The following TBC1D2 variants were observed in gnomAD, a reference collection of about 807,000 sequenced individuals.
The protein encoded by TBC1D2 is TBC1 domain family member 2A.
A neutral mutation model predicts 91.1 loss-of-function variants in TBC1D2; 58 were observed. The observed-to-expected ratio is 0.64, with a 90% confidence interval of 0.52 to 0.79. TBC1D2 has a LOEUF of 0.79. Ranked by LOEUF, TBC1D2 falls within the 30% of genes least tolerant of loss-of-function variation. TBC1D2 has a pLI of 0.00. For missense variants in TBC1D2, 1,080 were observed against 1,208.3 expected (o/e 0.89, Z 1.57); for synonymous variants, 482 against 511.5 (o/e 0.94, Z 0.78).
Position 98,255,570 on chromosome 9 carries a change from G to T in TBC1D2, c.-29C>A, listed in dbSNP as rs1381550109. ...TGCCAGCCGGAGACTGCGGAGGGAC[G>T]AGGGGTCCGCGGGACCACCAGGGAC... On this transcript the variant is annotated 5_prime_UTR_variant, in exon 1 of 13. Transcript: ENST00000465784. 2.9e-5 allele frequency: 43 copies of T among 1,481,454 alleles called. No homozygotes were observed. Among genetic ancestry groups the T allele is most frequent in the Non-Finnish European group, 3.7e-5 (41 of 1,120,072 alleles). The allele number at this position is 1,481,454 out of a possible 1,614,324, so 91.8% of individuals were successfully genotyped here. A position where few individuals can be genotyped will look rare whatever the true frequency, so the allele number is the denominator to read the frequency against.
chr9:98,228,971 T>C lies in TBC1D2; in HGVS notation c.959A>G (p.Lys320Arg), dbSNP rs1564249322. The C allele has an allele frequency of 2.5e-6, 4 of 1,614,202 alleles. No homozygotes were observed. The highest frequency in any genetic ancestry group is 3.4e-6 in the Non-Finnish European group (4 of 1,180,012). ...ALEQQVLMLT[K>R]ELKSQKELVK... ...CCTCACCTTCTGAGACTTTAACTCC[T>C]TGGTGAGCATCAGAACCTGTTGCTC... is the stretch of plus-strand genomic sequence containing the variant. The change falls in exon 5 of 13, where the codon AAG (lysine) becomes AGG (arginine). Residue 320 changes from lysine to arginine, a missense_variant. Transcript: ENST00000465784. This position sits in a 1 kb window ranked among gnomAD's most constrained non-coding sequence, Gnocchi z 4.0.
intron 3 of TBC1D2, among the ~76,000 whole-genome samples, chr9:98,235,801 G>A (rs1472806969): frequency 2.0e-5 from 3 of 152,192 alleles, no homozygotes; most frequent in Non-Finnish European, 4.4e-5. Context: ...TTGGGAGGCT[G>A]AGGTGGGCAG....
intron 2 of TBC1D2, among the ~76,000 whole-genome samples, chr9:98,247,322 T>C (rs1588066201): frequency 1.5e-5 from 2 of 129,048 alleles, no homozygotes; most frequent in Admixed American, 8.4e-5. Flanking sequence ...AGGGCGAGAC[T>C]CCGTCTCAAA....
chr9:98,207,529 A>G (rs963722722), intron 9 of TBC1D2, among the ~76,000 whole-genome samples: 1 of 152,048 alleles, frequency 6.6e-6, no homozygotes, highest in African/African-American at 2.4e-5. Context: ...TCCCCTACCA[A>G]TTGGACCAGA....
chr9:98,209,168 C>T (rs753852040), intron 8 of TBC1D2, 24 bp from the exon 9 acceptor site: 5 of 1,595,036 alleles, frequency 3.1e-6, no homozygotes, highest in Non-Finnish European at 4.3e-6. Context: ...TGCACGTTAG[C>T]AACACCTTGC....
chr9:98,208,480 G>A (rs931154245), intron 9 of TBC1D2, among the ~76,000 whole-genome samples, 188 bp downstream of exon 9: 3 of 152,174 alleles, frequency 2.0e-5, no homozygotes, highest in Non-Finnish European at 4.4e-5. Context: ...GCTCCTGTGA[G>A]AATCTAATGC....
chr9:98,214,778 C>T (rs1828929711), intron 6 of TBC1D2, among the ~76,000 whole-genome samples: 1 of 152,188 alleles, frequency 6.6e-6, no homozygotes, highest in East Asian at 1.9e-4. Flanking sequence ...CCGATGCCTG[C>T]CCAGGGGCTG....
chr9:98,204,038 C>T (rs921650115), intron 9 of TBC1D2, among the ~76,000 whole-genome samples: 5 of 152,260 alleles, frequency 3.3e-5, no homozygotes, highest in South Asian at 2.1e-4. Flanking sequence ...TTCCCCTCCC[C>T]GCCAAGTTAG....
At chr9:98,232,340 C>CTTTTTTTTTTTTTTTTTTTTTTT (rs1554754378) in intron 4 of TBC1D2, among the ~76,000 whole-genome samples, 2 of 52,044 alleles carry the variant, frequency 3.8e-5, no homozygotes, top group African/African-American at 1.6e-4. Flanking sequence ...TTCTCTTTTT[C>CTTTTTTTTTTTTTTTTTTTTTTT]TGTTTTTTTT....
chr9:98,254,436 C>T (rs1038203188), intron 1 of TBC1D2, among the ~76,000 whole-genome samples: 2 of 152,196 alleles, frequency 1.3e-5, no homozygotes, highest in Non-Finnish European at 1.5e-5. Context: ...GTGTCAAATG[C>T]TTACAAACCA....
intron 2 of TBC1D2, among the ~76,000 whole-genome samples, chr9:98,248,874 C>T (rs1056248584): frequency 6.6e-6 from 1 of 152,050 alleles, no homozygotes; most frequent in Non-Finnish European, 1.5e-5. Context: ...CTGCGGAGAC[C>T]GTTGTTTAGG....
rs369711045 is a variant in TBC1D2 at position 98,255,409 on chromosome 9, G to A, written c.133C>T (p.Pro45Ser). The change falls in exon 1 of 13, where the codon CCC becomes TCC. Residue 45 changes from proline to serine, a missense_variant. By Grantham distance (74) the Pro-to-Ser change is moderately conservative (BLOSUM62 -1). Transcript: ENST00000465784. ...GDCARSLEAV[P>S]KKLCGYLSKF... The stretch of plus-strand genomic sequence containing the variant: ...CTTAAATACCCACAGAGTTTCTTGG[G>A]GACCGCCTCCAGGGACCGGGCGCAG... 270 of 1,613,244 alleles carry A rather than the reference G, an allele frequency of 1.7e-4. No homozygotes were observed. The highest frequency in any genetic ancestry group is 2.2e-4 in the Non-Finnish European group (256 of 1,179,378).
Position 98,221,173 on chromosome 9 carries a change from G to C in TBC1D2, c.1034C>G (p.Ala345Gly), listed in dbSNP as rs370228222. The change falls in exon 6 of 13, where the codon GCG becomes GGG. Residue 345 changes from alanine to glycine, a missense_variant. Ala to Gly is a moderately conservative substitution (Grantham distance 60). Transcript: ENST00000465784. ...ALEAAQQEKRASSAYLAAAED... is the reference protein window; with the variant it reads ...ALEAAQQEKRGSSAYLAAAED... ...AGCCGCCGCCAGGTATGCGCTGGAC[G>C]CCCGCTTCTCCTGCTGGGCGGCCTC... The C allele has an allele frequency of 1.0e-5, 16 of 1,561,822 alleles. 2 individuals carry two copies. The South Asian group carries it at 1.9e-4, about 18-fold the overall frequency.
At chr9:98,248,066 G>A (rs1490291388) in intron 2 of TBC1D2, among the ~76,000 whole-genome samples, 1 of 152,220 alleles carries the variant, frequency 6.6e-6, no homozygotes, top group Non-Finnish European at 1.5e-5. Context: ...TAGCCACTCA[G>A]AGAGGTTGAG....
chr9:98,255,066 C>T, intron 1 of TBC1D2, 107 bp downstream of exon 1: 1 of 1,478,432 alleles, frequency 6.8e-7, no homozygotes, highest in Non-Finnish European at 9.0e-7. Context: ...ACTGTCGTCA[C>T]CGACACTCCA....
chr9:98,205,273 T>C (rs948474592), intron 9 of TBC1D2, among the ~76,000 whole-genome samples: 1 of 152,190 alleles, frequency 6.6e-6, no homozygotes, highest in African/African-American at 2.4e-5. Flanking sequence ...CTTCAGCACA[T>C]GTTAAAAACT....
At chr9:98,214,678 T>G (rs1455522981) in intron 6 of TBC1D2, among the ~76,000 whole-genome samples, 1 of 152,236 alleles carries the variant, frequency 6.6e-6, no homozygotes, top group Non-Finnish European at 1.5e-5. Flanking sequence ...CAGGGTCACA[T>G]GTGCACAGCC....
chr9:98,233,495 T>A lies in TBC1D2; in HGVS notation c.702A>T (p.Glu234Asp), dbSNP rs1829424032. The A allele has an allele frequency of 1.9e-6, 3 of 1,614,000 alleles. No individual in the cohort carries two copies. The highest frequency in any genetic ancestry group is 2.5e-6 in the Non-Finnish European group (3 of 1,180,014). Residue 234 changes from glutamate to aspartate, a missense_variant, in exon 4 of 13, where the codon GAA becomes GAT. Coordinates refer to ENST00000465784, the MANE Select transcript of TBC1D2 (RefSeq NM_001267571.2). ...TCTGTGGAGAATCTTCCCCTGGAGG[T>A]TCATGGCCTGTTCCCTGGGCCTGCT... ...GNKQAQGTGH[E>D]PPGEDSPQSG...
intron 3 of TBC1D2, among the ~76,000 whole-genome samples, chr9:98,237,858 T>C (rs749207468): frequency 1.3e-5 from 2 of 151,908 alleles, no homozygotes; most frequent in African/African-American, 2.4e-5. Context: ...TTGGGAAGTA[T>C]TGTCAGATTA....
Sources: gnomAD v4.1 joint callset for allele counts (sites outside exome capture counted in the v4.1 genomes callset) on GRCh38, gnomAD v4.1.1 for gene constraint, Gnocchi (gnomAD v3.1) non-coding constraint, MANE v1.5 for transcripts, NCBI Gene and HGNC (gene_info 2026-07-23, HGNC 2026-07-21) for gene names.